HMGB1: variants seen among roughly 807,000 people sequenced by gnomAD.
The protein encoded by HMGB1 is high mobility group box 1, also known as high mobility group protein B1.
For missense variants in HMGB1, 79 were observed against 253.5 expected, an observed-to-expected ratio of 0.31 and a Z score of 4.67; for synonymous variants, 81 against 84.0, an observed-to-expected ratio of 0.96 and a Z score of 0.19.
intron 1 of HMGB1, among the ~76,000 whole-genome samples, chr13:30,471,323 T>C (rs1886921607): frequency 6.6e-6 from 1 of 151,974 alleles, no homozygotes; most frequent in Non-Finnish European, 1.5e-5. Flanking sequence ...ACCAAACCAA[T>C]GGTTGGTTTT....
chr13:30,517,507 C>T (rs1007684756), intron 1 of HMGB1, among the ~76,000 whole-genome samples: 8 of 152,228 alleles, frequency 5.3e-5, no homozygotes, highest in African/African-American at 1.7e-4. Context: ...AGGGTTCAAG[C>T]GATTCTCCTG....
rs1351401520 is a variant in HMGB1 at position 30,457,759 on chromosome 13, A to G, written c.*3598T>C. On this transcript the variant is annotated 3_prime_UTR_variant, in exon 5 of 5. Coordinates refer to ENST00000341423, the MANE Select transcript of HMGB1 (RefSeq NM_002128.7). ...TGTCATGATGTATCGTGAAACAAGC[A>G]ATTCTATAACAGAGCACTATTTTGC... 1 of 152,168 alleles carries G rather than the reference A, an allele frequency of 6.6e-6. No homozygotes were observed. The highest frequency in any genetic ancestry group is 1.5e-5 in the Non-Finnish European group (1 of 68,026). 9.4% of individuals were successfully genotyped at this position (152,168 alleles called of 1,614,324 possible). A position where few individuals can be genotyped will look rare whatever the true frequency, so the allele number is the denominator to read the frequency against.
Position 30,459,660 on chromosome 13 carries a change from C to G in HMGB1, c.*1697G>C, listed in dbSNP as rs950111253. On this transcript the variant is annotated 3_prime_UTR_variant, in exon 5 of 5. Coordinates refer to ENST00000341423, the MANE Select transcript of HMGB1 (RefSeq NM_002128.7). The stretch of plus-strand genomic sequence containing the variant: ...CTTTATATATAGCACCGAATACTTG[C>G]AATGTTTGACAAAACCTTTTATCAG... 1 of 152,090 alleles carries G rather than the reference C, an allele frequency of 6.6e-6. No homozygotes were observed. The highest frequency in any genetic ancestry group is 1.5e-5 in the Non-Finnish European group (1 of 67,984). 9.4% of individuals were successfully genotyped at this position (152,090 alleles called of 1,614,324 possible). A position where few individuals can be genotyped will look rare whatever the true frequency, so the allele number is the denominator to read the frequency against.
chr13:30,484,778 AG>A (rs1566002328), intron 1 of HMGB1, among the ~76,000 whole-genome samples: 4 of 151,788 alleles, frequency 2.6e-5, no homozygotes, highest in Non-Finnish European at 5.9e-5. Flanking sequence ...AGGAGAGGAG[AG>A]GAGAGGAGAG....
intron 1 of HMGB1, among the ~76,000 whole-genome samples, chr13:30,567,293 T>C (rs1306446552): frequency 2.6e-5 from 4 of 151,934 alleles, no homozygotes; most frequent in African/African-American, 9.7e-5. Flanking sequence ...ATGTCCAGAA[T>C]ATAACCTTAT....
At chr13:30,601,303 A>G (rs1166865508) in intron 1 of HMGB1, among the ~76,000 whole-genome samples, 2 of 152,224 alleles carry the variant, frequency 1.3e-5, no homozygotes, top group Non-Finnish European at 2.9e-5. Flanking sequence ...CACCCAGGTG[A>G]AATAAATAGC....
chr13:30,469,848 C>A (rs2137417847), upstream of HMGB1, among the ~76,000 whole-genome samples: 1 of 152,342 alleles, frequency 6.6e-6, no homozygotes, highest in South Asian at 2.1e-4. Flanking sequence ...CCAGGATGGT[C>A]TCCATCTCTT....
intron 1 of HMGB1, among the ~76,000 whole-genome samples, chr13:30,533,905 C>T (rs1176489222): frequency 6.7e-6 from 1 of 148,702 alleles, no homozygotes; most frequent in Non-Finnish European, 1.5e-5. Context: ...GCTCTTGTTG[C>T]CCGGGCTGGA....
chr13:30,568,596 T>A (rs758960854), intron 1 of HMGB1, among the ~76,000 whole-genome samples: 3 of 152,174 alleles, frequency 2.0e-5, no homozygotes, highest in Non-Finnish European at 2.9e-5. Context: ...CTAAATCCAA[T>A]GACATTTGTC....
At chr13:30,604,873 T>C (rs572319841) in intron 1 of HMGB1, among the ~76,000 whole-genome samples, 206 of 152,286 alleles carry the variant, frequency 1.4e-3, no homozygotes, top group African/African-American at 4.8e-3. Flanking sequence ...TTAGCCAGGA[T>C]GGTCTCCATC....
intron 1 of HMGB1, among the ~76,000 whole-genome samples, chr13:30,495,626 G>A (rs1485633721): frequency 6.6e-6 from 1 of 151,968 alleles, no homozygotes; most frequent in Non-Finnish European, 1.5e-5. Flanking sequence ...CTACAGGCGC[G>A]TGCCGCCACG....
chr13:30,578,365 G>GTTTTTTT (rs1475312645), intron 1 of HMGB1, among the ~76,000 whole-genome samples: 27 of 67,078 alleles, frequency 4.0e-4, no homozygotes, highest in Non-Finnish European at 7.3e-4. Context: ...ACCAGTTCTT[G>GTTTTTTT]TTCTTTTTTT....
At chr13:30,583,564 G>C (rs1871000340) in intron 1 of HMGB1, among the ~76,000 whole-genome samples, 1 of 149,714 alleles carries the variant, frequency 6.7e-6, no homozygotes, top group Non-Finnish European at 1.5e-5. Context: ...AGCAGGGCAA[G>C]GTGGCTCACA....
chr13:30,519,781 C>A (rs1039550041), intron 1 of HMGB1, among the ~76,000 whole-genome samples: 4 of 151,942 alleles, frequency 2.6e-5, no homozygotes, highest in Non-Finnish European at 5.9e-5. Flanking sequence ...CAAGAACTAT[C>A]TTTCATAATA....
intron 1 of HMGB1, among the ~76,000 whole-genome samples, chr13:30,557,786 G>C (rs1326134942): frequency 6.6e-6 from 1 of 152,208 alleles, no homozygotes. Flanking sequence ...AATAGCTCTA[G>C]TTCTCACCTA....
At chr13:30,485,393 G>A (rs1293255650) in intron 1 of HMGB1, among the ~76,000 whole-genome samples, 1 of 152,162 alleles carries the variant, frequency 6.6e-6, no homozygotes, top group Non-Finnish European at 1.5e-5. Context: ...AACATAGGAA[G>A]GCAACTTGGG....
chr13:30,459,844 CTAG>C lies in HMGB1; in HGVS notation c.*1510_*1512del, dbSNP rs772885161. The C allele has an allele frequency of 2.0e-5, 3 of 152,492 alleles. No individual in the cohort carries two copies. Among genetic ancestry groups the C allele is most frequent in the Non-Finnish European group, 4.4e-5 (3 of 67,990 alleles). 9.4% of individuals were successfully genotyped at this position (152,492 alleles called of 1,614,324 possible). On this transcript the variant is annotated 3_prime_UTR_variant, in exon 5 of 5. Transcript: ENST00000341423. ...AAGTTCTTAAGTGAAAGCCATTTAA[CTAG>C]TATTTAAAACCTCTGCAATTATTAG... is the stretch of plus-strand genomic sequence containing the variant.
rs777909228 is a variant in HMGB1, at chr13:30,463,514, G to A, written c.150+17C>T. ...TGTCTTTTAATTACCTTGTTAGCAT[G>A]TTTTAAGCCCTCTTACCTTCCACCT... On this transcript the variant is annotated intron_variant, in intron 2 of 4. Coordinates refer to ENST00000341423, the MANE Select transcript of HMGB1 (RefSeq NM_002128.7). The A allele has an allele frequency of 1.0e-5, 16 of 1,605,406 alleles. No homozygotes were observed. Among genetic ancestry groups the A allele is most frequent in the Non-Finnish European group, 5.9e-6 (7 of 1,176,658 alleles).
At chr13:30,489,660 G>T (rs1887439006) in intron 1 of HMGB1, among the ~76,000 whole-genome samples, 1 of 151,946 alleles carries the variant, frequency 6.6e-6, no homozygotes, top group Admixed American at 6.6e-5. Flanking sequence ...GGCCCACTGG[G>T]TCACTCACTT....
Sources: gnomAD v4.1 joint callset for allele counts (sites outside exome capture counted in the v4.1 genomes callset) on GRCh38, gnomAD v4.1.1 for gene constraint, MANE v1.5 for transcripts, NCBI Gene and HGNC (gene_info 2026-07-23, HGNC 2026-07-21) for gene names.